KLRC1: variants seen among roughly 807,000 people sequenced by gnomAD.
KLRC1 encodes the protein NKG2-A/NKG2-B type II integral membrane protein.
In KLRC1, 22 loss-of-function variants were observed where a neutral mutation model predicts 25.9. That is an observed-to-expected ratio of 0.85 (90% confidence interval 0.61 to 1.21). The LOEUF is 1.21. Among genes scored for constraint, KLRC1 ranks in the 50% most tolerant of loss-of-function variants. KLRC1 has a pLI of 0.00. For synonymous variants in KLRC1, 77 were observed against 93.1 expected, an observed-to-expected ratio of 0.83 and a Z score of 0.99; for missense variants, 240 against 272.2, an observed-to-expected ratio of 0.88 and a Z score of 0.83.
Position 10,449,969 on chromosome 12 carries a change from T to C in KLRC1, c.284-2A>G. On this transcript the variant is annotated splice_acceptor_variant, in intron 3 of 6. Transcript: ENST00000359151. LOFTEE classifies it high-confidence loss of function. ...TGTTGTGCCTCTGTATTAATGTAGC[T>C]AGAAAAATTAAAGTAATCTTTGTAA... 1 of 1,467,774 alleles carries C rather than the reference T, an allele frequency of 6.8e-7. No individual in the cohort carries two copies. Among genetic ancestry groups the C allele is most frequent in the South Asian group, 1.4e-5 (1 of 69,256 alleles). 90.9% of individuals were successfully genotyped at this position (1,467,774 alleles called of 1,614,324 possible). A position where few individuals can be genotyped will look rare whatever the true frequency, so the allele number is the denominator to read the frequency against.
chr12:10,442,452 A>T (rs962609395), downstream of KLRC1, among the ~76,000 whole-genome samples: 1 of 55,292 alleles, frequency 1.8e-5, no homozygotes, highest in African/African-American at 6.0e-5. Context: ...TAAAATACAT[A>T]AGAATTATAT....
At chr12:10,450,419 T>G (rs764319346) in intron 3 of KLRC1, 65 bp downstream of exon 3, 2 of 839,302 alleles carry the variant, frequency 2.4e-6, no homozygotes, top group Non-Finnish European at 3.9e-6. Flanking sequence ...AAATATGAAA[T>G]GTTTAGAGGC....
At chr12:10,451,573 T>C (rs1255071753) in intron 1 of KLRC1, among the ~76,000 whole-genome samples, 2 of 152,034 alleles carry the variant, frequency 1.3e-5, no homozygotes, top group East Asian at 1.9e-4. Flanking sequence ...GGAGAATCTC[T>C]TGAACATGGG....
chr12:10,454,047 C>T (rs138190928), upstream of KLRC1, among the ~76,000 whole-genome samples: 1,181 of 152,298 alleles, frequency 7.8e-3, 8 homozygotes, highest in Non-Finnish European at 0.013. Context: ...ATTATGTCGA[C>T]TTTCATAGAA....
chr12:10,452,540 T>C (rs574971041), intron 1 of KLRC1, among the ~76,000 whole-genome samples: 1 of 152,292 alleles, frequency 6.6e-6, no homozygotes, highest in Non-Finnish European at 1.5e-5. Context: ...GCACTTAAAG[T>C]TCTCAATAAG....
chr12:10,449,992 T>C (rs1045839032), intron 3 of KLRC1, 25 bp from the exon 4 acceptor site: 4 of 1,421,210 alleles, frequency 2.8e-6, no homozygotes, highest in East Asian at 2.7e-5. Context: ...GTAATCTTTG[T>C]AAAAAAATTA....
Position 10,446,505 on chromosome 12 carries a change from A to G in KLRC1, c.*46T>C. On this transcript the variant is annotated 3_prime_UTR_variant, in exon 7 of 7. Coordinates refer to ENST00000359151, the MANE Select transcript of KLRC1 (RefSeq NM_002259.5). ...AATCATAATATATTTCTATTTTAAG[A>G]AATATACAATTTATCTGATGCACTG... The G allele has an allele frequency of 6.4e-7, 1 of 1,554,056 alleles. No homozygotes were observed. Among genetic ancestry groups the G allele is most frequent in the Non-Finnish European group, 8.7e-7 (1 of 1,143,878 alleles).
chr12:10,453,518 T>C (rs1343984477), upstream of KLRC1: 9 of 277,444 alleles, frequency 3.2e-5, no homozygotes, highest in Non-Finnish European at 4.4e-5. Flanking sequence ...AGGTTGACTT[T>C]GAAAGTGTGT....
Position 10,450,514 on chromosome 12 carries a change from C to G in KLRC1, c.253G>C (p.Ala85Pro), listed in dbSNP as rs1336627871. 4 of 1,608,716 alleles carry G rather than the reference C, an allele frequency of 2.5e-6. No homozygotes were observed. In the South Asian group the frequency reaches 4.4e-5, roughly 18 times the overall value. The part of the protein sequence containing the change: ...ILGIICLILM[A>P]SVVTIVVIPS... ...ATAACAACTATCGTTACCACAGAGG[C>G]CATTAAGATAAGACAGATAATTCCC... The change falls in exon 3 of 7, where the codon GCC becomes CCC. Residue 85 changes from alanine to proline, a missense_variant. By Grantham distance (27) the Ala-to-Pro change is conservative (BLOSUM62 -1). Coordinates refer to ENST00000359151, the MANE Select transcript of KLRC1 (RefSeq NM_002259.5).
At chr12:10,448,566 C>T (rs796250546) in intron 5 of KLRC1, among the ~76,000 whole-genome samples, 7 of 152,296 alleles carry the variant, frequency 4.6e-5, no homozygotes, top group Non-Finnish European at 7.4e-5. Flanking sequence ...GTGCACCACC[C>T]AGGGTCCTCT....
At chr12:10,450,018 A>G (rs780863091) in intron 3 of KLRC1, 51 bp from the exon 4 acceptor site, 1 of 1,258,002 alleles carries the variant, frequency 7.9e-7, no homozygotes, top group East Asian at 3.0e-5. Flanking sequence ...TAAATCAATC[A>G]TAATAATTTT....
intron 3 of KLRC1, 52 bp from the exon 4 acceptor site, chr12:10,450,019 T>G: frequency 8.1e-7 from 1 of 1,241,800 alleles, no homozygotes; most frequent in Non-Finnish European, 1.1e-6. Context: ...AAATCAATCA[T>G]AATAATTTTA....
chr12:10,445,846 C>T (rs529283468), downstream of KLRC1, among the ~76,000 whole-genome samples: 362 of 152,046 alleles, frequency 2.4e-3, 4 homozygotes, highest in South Asian at 7.3e-3. Context: ...ATGTAAAATA[C>T]CTACATTTCT....
At chr12:10,450,611 G>C in intron 2 of KLRC1, 32 bp from the exon 3 acceptor site, 4 of 1,315,366 alleles carry the variant, frequency 3.0e-6, no homozygotes, top group Non-Finnish European at 4.4e-6. Flanking sequence ...CAGTGCGAAA[G>C]GAGAGGTGGA....
At chr12:10,454,135 A>T (rs572943581), upstream of KLRC1, among the ~76,000 whole-genome samples, 41 of 152,354 alleles carry the variant, frequency 2.7e-4, no homozygotes, top group African/African-American at 9.9e-4. Context: ...TACTAGGAGG[A>T]AAGTCAGTAA....
At chr12:10,451,384 G>A (rs777574120) in intron 1 of KLRC1, 197 bp from the exon 2 acceptor site, 7 of 323,906 alleles carry the variant, frequency 2.2e-5, no homozygotes, top group Non-Finnish European at 2.7e-5. Flanking sequence ...TAGGCCGGGC[G>A]CGGTGGCTCA....
intron 6 of KLRC1, 134 bp downstream of exon 6, chr12:10,447,398 A>G (rs1864011413): frequency 5.0e-6 from 4 of 798,508 alleles, no homozygotes; most frequent in Non-Finnish European, 7.7e-6. Flanking sequence ...ATTGTAAAAT[A>G]TTTATGTCAG....
chr12:10,451,266 G>C, intron 1 of KLRC1, 79 bp from the exon 2 acceptor site: 1 of 751,830 alleles, frequency 1.3e-6, no homozygotes, highest in Non-Finnish European at 1.9e-6. Context: ...GTGAGGTGGA[G>C]AACGAGTATT....
rs141355168 is a variant in KLRC1 at position 10,449,183 on chromosome 12, T to C, written c.489+54A>G. ...CACATATGGATGATTTCTACAAATATATTATCGACCGAAAGAAGCTTTTCA... is the reference window on the plus strand; with the variant it reads ...CACATATGGATGATTTCTACAAATACATTATCGACCGAAAGAAGCTTTTCA... On this transcript the variant is annotated intron_variant, in intron 5 of 6. Transcript: ENST00000359151. The C allele has an allele frequency of 0.01, 16,488 of 1,607,350 alleles. 108 individuals are homozygous for C. Among genetic ancestry groups the C allele is most frequent in the Non-Finnish European group, 0.013 (15,117 of 1,174,830 alleles).
Sources: allele counts gnomAD v4.1 joint callset (sites outside exome capture counted in the v4.1 genomes callset), GRCh38; gene constraint gnomAD v4.1.1; transcripts MANE v1.5; gene names NCBI Gene and HGNC (gene_info 2026-07-23, HGNC 2026-07-21).